The following TG variants were observed in gnomAD, a reference collection of about 807,000 sequenced individuals.
The protein encoded by TG is thyroid hormones.
TG carries 270 observed loss-of-function variants against 324.7 expected under a neutral mutation model. That is an observed-to-expected ratio of 0.83 (90% CI 0.75 to 0.92). The LOEUF (loss-of-function observed/expected upper bound fraction) is 0.92. Ranked by LOEUF, TG falls within the 40% of genes least tolerant of loss-of-function variation. The pLI, the probability that TG is intolerant of heterozygous loss-of-function variation, is 0.00. For synonymous variants in TG, 1,401 were observed against 1,327.0 expected (o/e 1.06, Z -1.21); for missense variants, 3,591 against 3,456.4 (o/e 1.04, Z -0.98).
At chr8:132,892,459 C>T (rs528772902) in intron 10 of TG, among the ~76,000 whole-genome samples, 11 of 152,164 alleles carry the variant, frequency 7.2e-5, no homozygotes, top group Non-Finnish European at 1.6e-4. Flanking sequence ...AGATTGTCTG[C>T]GTAGATGTGC....
At chr8:132,879,905 G>T (rs186802465) in intron 5 of TG, among the ~76,000 whole-genome samples, 1 of 152,246 alleles carries the variant, frequency 6.6e-6, no homozygotes. Flanking sequence ...CATGAGCCAG[G>T]ATGTTGAGGT....
rs776679893 is a variant in TG at position 132,868,163 on chromosome 8, A to G, written c.116A>G (p.Glu39Gly). The G allele has an allele frequency of 7.4e-6, 12 of 1,614,166 alleles. No homozygotes were observed. The highest frequency in any genetic ancestry group is 9.3e-6 in the Non-Finnish European group (11 of 1,180,030). ...QPLRPCELQR[E>G]TAFLKQADYV... ...CTTCGTCCCTGTGAGCTGCAGAGGG[A>G]AACGGCCTTTCTGAAGCAAGCAGAC... is the stretch of plus-strand genomic sequence containing the variant. Residue 39 changes from glutamate to glycine, a missense_variant, in exon 2 of 48, where the codon GAA becomes GGA. Transcript: ENST00000220616.
At chr8:132,935,179 C>T (rs945621651) in intron 24 of TG, among the ~76,000 whole-genome samples, 8 of 148,662 alleles carry the variant, frequency 5.4e-5, no homozygotes, top group Admixed American at 6.8e-5. Context: ...TTCACTCTGT[C>T]GTCCAGGCTG....
chr8:132,971,120 G>C (rs1829456248), intron 32 of TG, among the ~76,000 whole-genome samples: 1 of 152,192 alleles, frequency 6.6e-6, no homozygotes, highest in Non-Finnish European at 1.5e-5. Context: ...ATTGACCCCA[G>C]AAACATTGGT....
rs1423847010 is a variant in TG, at chr8:132,967,828, A to G, written c.5721A>G (p.Ala1907=). The G allele has an allele frequency of 5.0e-6, 8 of 1,613,924 alleles. No homozygotes were observed. The highest frequency in any genetic ancestry group is 2.2e-5 in the South Asian group (2 of 91,082). ...CVQEHSFCQL[A]EITESASLYF... ...AGGAGCACTCTTTCTGTCAGCTCGC[A>G]GAGATAACAGAGAGTGCATCCTTGT... Residue 1907 remains alanine, a synonymous_variant, in exon 31 of 48, where the codon GCA becomes GCG. Coordinates refer to ENST00000220616, the MANE Select transcript of TG (RefSeq NM_003235.5).
chr8:132,895,738 G>A (rs925426082), intron 11 of TG, among the ~76,000 whole-genome samples: 1 of 152,200 alleles, frequency 6.6e-6, no homozygotes, highest in Non-Finnish European at 1.5e-5. Flanking sequence ...AGGATTTGAG[G>A]TAATCAAAGA....
At chr8:132,995,153 C>G in intron 35 of TG, 1 of 967,118 alleles carries the variant, frequency 1.0e-6, no homozygotes, top group South Asian at 4.9e-5. Flanking sequence ...AATTCTATTC[C>G]TACTCTATGA....
chr8:133,050,129 T>A lies in TG; in HGVS notation c.7239+20106T>A, dbSNP rs1430248028. ...ATCTGTCACTGGCCACGTTAACCCA[T>A]ATTTCGTCATCTGAAAATTTTCTTT... is the stretch of plus-strand genomic sequence containing the variant. On this transcript the variant is annotated intron_variant, in intron 41 of 47. Coordinates refer to ENST00000220616, the MANE Select transcript of TG (RefSeq NM_003235.5). 1.0e-5 allele frequency: 7 copies of A among 679,238 alleles called. No individual in the cohort carries two copies. In the African/African-American group the frequency reaches 1.3e-4, roughly 12 times the overall value. 42.1% of individuals were successfully genotyped at this position (679,238 alleles called of 1,614,324 possible). A position where few individuals can be genotyped will look rare whatever the true frequency, so the allele number is the denominator to read the frequency against.
intron 3 of TG, among the ~76,000 whole-genome samples, chr8:132,870,548 A>G (rs1413406537): frequency 6.6e-6 from 1 of 151,682 alleles, no homozygotes; most frequent in Admixed American, 6.6e-5. Context: ...GTAGGTATTC[A>G]ATAGGGGTGA....
At chr8:133,002,247 C>CCT (rs1389308862) in intron 35 of TG, 1 of 985,438 alleles carries the variant, frequency 1.0e-6, no homozygotes, top group African/African-American at 1.7e-5. Context: ...AAGCGGCAGA[C>CCT]CTCTGCCTGT....
At chr8:132,985,493 C>T (rs946697461) in intron 35 of TG, among the ~76,000 whole-genome samples, 23 of 152,114 alleles carry the variant, frequency 1.5e-4, no homozygotes, top group Non-Finnish European at 3.1e-4. Flanking sequence ...TTATCACTAC[C>T]CTTTTACAAT....
At chr8:132,898,952 C>T (rs1817534982) in intron 14 of TG, 42 bp downstream of exon 14, 1 of 1,532,894 alleles carries the variant, frequency 6.5e-7, no homozygotes, top group South Asian at 1.1e-5. Context: ...GGACTTGTCC[C>T]CGCTGGTCAG....
chr8:132,958,628 G>A (rs960083406), intron 27 of TG, among the ~76,000 whole-genome samples: 1 of 151,414 alleles, frequency 6.6e-6, no homozygotes, highest in East Asian at 1.9e-4. Context: ...TGAGGCAGGA[G>A]AATTGCTTGA....
chr8:133,047,030 G>A (rs1839553320), intron 41 of TG: 1 of 152,142 alleles, frequency 6.6e-6, no homozygotes, highest in South Asian at 2.1e-4. Context: ...TTCAGTCTGG[G>A]AAAACCCTAG....
At position 132,904,181 on chromosome 8, in the gene TG, A is replaced by G. The variant is rs146387092; in HGVS notation, c.3635-2507A>G. On this transcript the variant is annotated intron_variant, in intron 16 of 47. Coordinates refer to ENST00000220616, the MANE Select transcript of TG (RefSeq NM_003235.5). Reference sequence around the variant, plus strand: ...GGCTGATAACAGTCCAGCCCCACAGAGTTGTTGTGAAGATGGAGTCAACGC... The same window carrying G: ...GGCTGATAACAGTCCAGCCCCACAGGGTTGTTGTGAAGATGGAGTCAACGC... 6.6e-5 allele frequency among the ~76,000 whole-genome samples: 10 copies of G among 152,280 alleles called. No homozygotes were observed. The East Asian group carries it at 1.9e-3, about 29-fold the overall frequency.
chr8:132,917,268 G>A (rs1040017794), intron 20 of TG, among the ~76,000 whole-genome samples: 2 of 152,072 alleles, frequency 1.3e-5, no homozygotes, highest in Non-Finnish European at 1.5e-5. Context: ...TTACATCACA[G>A]CCAGGGTGGT....
At chr8:132,918,171 G>A (rs570948464) in intron 20 of TG, among the ~76,000 whole-genome samples, 1 of 152,214 alleles carries the variant, frequency 6.6e-6, no homozygotes, top group Non-Finnish European at 1.5e-5. Context: ...AGGAAACAGC[G>A]TGTGCATTCC....
chr8:133,113,316 C>T (rs1588126425), intron 43 of TG, 106 bp from the exon 44 acceptor site: 3 of 1,288,706 alleles, frequency 2.3e-6, no homozygotes, highest in East Asian at 2.3e-5. Flanking sequence ...TAATGCCATG[C>T]CCCACTGCTT....
Position 132,900,118 on chromosome 8 carries a change from C to T in TG, c.3331-119C>T, listed in dbSNP as rs964733406. 2.2e-5 allele frequency: 18 copies of T among 800,540 alleles called. 1 individual carries two copies. The highest frequency in any genetic ancestry group is 1.2e-4 in the South Asian group (8 of 68,544). The allele number at this position is 800,540 out of a possible 1,614,324, so 49.6% of individuals were successfully genotyped here. A position where few individuals can be genotyped will look rare whatever the true frequency, so the allele number is the denominator to read the frequency against. On this transcript the variant is annotated intron_variant, in intron 14 of 47. Coordinates refer to ENST00000220616, the MANE Select transcript of TG (RefSeq NM_003235.5). ...ACCTCTCCCCACCTCCACATCTCTCCGTCTGGAGAAGCCATCACCTGTTGT... is the reference window on the plus strand; with the variant it reads ...ACCTCTCCCCACCTCCACATCTCTCTGTCTGGAGAAGCCATCACCTGTTGT...
Sources: gnomAD v4.1 joint callset for allele counts (sites outside exome capture counted in the v4.1 genomes callset) on GRCh38, gnomAD v4.1.1 for gene constraint, MANE v1.5 for transcripts, NCBI Gene and HGNC (gene_info 2026-07-23, HGNC 2026-07-21) for gene names.